CHM: variants seen among roughly 807,000 people sequenced by gnomAD.
CHM encodes the protein CHM Rab escort protein.
In CHM, 10 loss-of-function variants were observed where a neutral mutation model predicts 49.0. The ratio of observed to expected loss-of-function variants is 0.20; its 90% CI spans 0.13 to 0.35. The LOEUF (loss-of-function observed/expected upper bound fraction) is 0.35. Ranked by LOEUF, CHM falls within the 10% of genes least tolerant of loss-of-function variation. The pLI, the probability that CHM is intolerant of heterozygous loss-of-function variation, is 1.00. For missense variants in CHM, 455 were observed against 478.4 expected, an observed-to-expected ratio of 0.95 and a Z score of 0.46; for synonymous variants, 184 against 167.5, an observed-to-expected ratio of 1.10 and a Z score of -0.76.
chrX:86,035,159 A>G (rs182571294), intron 1 of CHM, among the ~76,000 whole-genome samples: 2 of 112,392 alleles, frequency 1.8e-5, no homozygotes, highest in East Asian at 5.6e-4. Context: ...AACAGTTCGA[A>G]TAGTTTTACT....
intron 8 of CHM, among the ~76,000 whole-genome samples, chrX:85,938,672 G>T (rs1488247806): frequency 9.1e-6 from 1 of 109,407 alleles, no homozygotes; most frequent in Admixed American, 9.9e-5. Flanking sequence ...ACAATATTTG[G>T]CATGCAATTT....
chrX:85,986,151 A>G (rs971523995), intron 2 of CHM, among the ~76,000 whole-genome samples: 1 of 111,026 alleles, frequency 9.0e-6, no homozygotes, highest in Non-Finnish European at 1.9e-5. Flanking sequence ...GCCACTAGAG[A>G]ACACCCAGGT....
chrX:86,016,664 CAGA>C (rs778166745), intron 2 of CHM, among the ~76,000 whole-genome samples: 9 of 112,514 alleles, frequency 8.0e-5, no homozygotes, highest in Non-Finnish European at 1.7e-4. Flanking sequence ...GATACCCAGA[CAGA>C]AGTTTTCTGC....
intron 1 of CHM, among the ~76,000 whole-genome samples, chrX:86,041,298 C>T (rs1934446764): frequency 9.0e-6 from 1 of 111,288 alleles, no homozygotes; most frequent in Non-Finnish European, 1.9e-5. Context: ...AGAGTCTTCT[C>T]CAGAGTTAGA....
chrX:85,901,300 T>A, intron 9 of CHM, 112 bp from the exon 10 acceptor site: 1 of 488,710 alleles, frequency 2.0e-6, no homozygotes, highest in Non-Finnish European at 3.4e-6. Flanking sequence ...GAAGACAAGA[T>A]TTAAAACTTG....
Position 85,894,145 on chromosome X carries a change from C to T in CHM, c.1510+43G>A, listed in dbSNP as rs758848244. The stretch of plus-strand genomic sequence containing the variant: ...CTGTAATAACTGCCCCCTTTACCCC[C>T]TAAACAAACACAAAATACAAATAAC... On this transcript the variant is annotated intron_variant, in intron 12 of 14. Transcript: ENST00000357749. 1.5e-5 allele frequency: 16 copies of T among 1,051,768 alleles called. No homozygotes were observed. The South Asian group carries it at 1.7e-4, about 11-fold the overall frequency. 86.7% of individuals were successfully genotyped at this position (1,051,768 alleles called of 1,213,427 possible). A position where few individuals can be genotyped will look rare whatever the true frequency, so the allele number is the denominator to read the frequency against.
At chrX:85,908,916 TTAAGA>T (rs1446645526) in intron 9 of CHM, among the ~76,000 whole-genome samples, 1 of 111,807 alleles carries the variant, frequency 8.9e-6, no homozygotes, top group Non-Finnish European at 1.9e-5. Context: ...ATAAAATACT[TTAAGA>T]TAATTTATTT....
chrX:85,874,729 T>G (rs1924314395), intron 13 of CHM, among the ~76,000 whole-genome samples: 1 of 111,753 alleles, frequency 8.9e-6, no homozygotes, highest in South Asian at 3.7e-4. Flanking sequence ...TCTAAGATAT[T>G]GCTAACTTCA....
chrX:85,918,268 T>TA (rs1025807601), intron 8 of CHM, among the ~76,000 whole-genome samples: 5 of 111,212 alleles, frequency 4.5e-5, no homozygotes, highest in African/African-American at 1.6e-4. Flanking sequence ...ACAGCATTCT[T>TA]AAAAAAAGAA....
rs148736749 is a variant in CHM, at chrX:86,040,599, T to A, written c.49+6885A>T. 4.0e-3 allele frequency among the ~76,000 whole-genome samples: 450 copies of A among 112,225 alleles called. 5 individuals are homozygous for A. Among genetic ancestry groups the A allele is most frequent in the Admixed American group, 0.036 (379 of 10,594 alleles). On this transcript the variant is annotated intron_variant, in intron 1 of 14. Coordinates refer to ENST00000357749, the MANE Select transcript of CHM (RefSeq NM_000390.4). ...CAAGGAATACATTACCAACTTCAGC[T>A]CCTGATAAAATCCAGTATGAGATGA...
chrX:85,890,721 T>C (rs1180469778), intron 12 of CHM, among the ~76,000 whole-genome samples: 1 of 111,572 alleles, frequency 9.0e-6, no homozygotes, highest in African/African-American at 3.3e-5. Context: ...ATCAGCAGCA[T>C]GAAAACAGAC....
chrX:85,903,610 G>A (rs746557979), intron 9 of CHM: 1 of 386,418 alleles, frequency 2.6e-6, no homozygotes, highest in East Asian at 7.5e-5. Context: ...AAGAAACGGT[G>A]ATTCTCAGAG....
chrX:85,866,982 G>A (rs1462262379), intron 14 of CHM, among the ~76,000 whole-genome samples: 1 of 112,506 alleles, frequency 8.9e-6, no homozygotes, highest in South Asian at 3.7e-4. Context: ...GACTTTGGAC[G>A]TGGACTTTTG....
intron 13 of CHM, 99 bp from the exon 14 acceptor site, chrX:85,873,311 T>C (rs1202385626): frequency 8.4e-6 from 5 of 595,617 alleles, no homozygotes; most frequent in Non-Finnish European, 1.3e-5. Context: ...TGACTAGACA[T>C]AGTAGGAAAT....
intron 13 of CHM, among the ~76,000 whole-genome samples, chrX:85,876,208 AT>A (rs754397697): frequency 1.1e-4 from 12 of 111,250 alleles, no homozygotes; most frequent in African/African-American, 3.6e-4. Flanking sequence ...TATTATATAG[AT>A]TTTTTTTAAA....
At chrX:86,024,425 T>A (rs1349652376) in intron 2 of CHM, among the ~76,000 whole-genome samples, 5 of 112,626 alleles carry the variant, frequency 4.4e-5, no homozygotes, top group Non-Finnish European at 9.4e-5. Context: ...TCTGCTTTCA[T>A]CTTTTCAAGT....
chrX:85,866,486 T>G (rs773144523), intron 14 of CHM, among the ~76,000 whole-genome samples: 34 of 112,764 alleles, frequency 3.0e-4, no homozygotes, highest in Non-Finnish European at 9.4e-5. Flanking sequence ...AGGGCAGTGC[T>G]GAAGGGAAAT....
At position 85,933,229 on chromosome X, in the gene CHM, AAAAT is replaced by A. The variant is rs772017359; in HGVS notation, c.1167-21895_1167-21892del. ...GAGACTCTGTCTCAAAAAATAAAAT[AAAAT>A]AAATAAATAAGAAAAAAAATCTGAA... On this transcript the variant is annotated intron_variant, in intron 8 of 14. Coordinates refer to ENST00000357749, the MANE Select transcript of CHM (RefSeq NM_000390.4). Among the ~76,000 whole-genome samples the A allele has an allele frequency of 8.3e-3, 923 of 111,559 alleles. 15 individuals are homozygous for A. The highest frequency in any genetic ancestry group is 0.029 in the African/African-American group (880 of 30,684).
At chrX:85,899,856 T>A (rs906438152) in intron 11 of CHM, among the ~76,000 whole-genome samples, 1 of 110,264 alleles carries the variant, frequency 9.1e-6, no homozygotes, top group African/African-American at 3.3e-5. Flanking sequence ...CAGGACTGAA[T>A]GAGGTTTCAT....
Sources: allele counts gnomAD v4.1 joint callset (sites outside exome capture counted in the v4.1 genomes callset), GRCh38; gene constraint gnomAD v4.1.1; transcripts MANE v1.5; gene names NCBI Gene and HGNC (gene_info 2026-07-23, HGNC 2026-07-21).